Variants in PLG observed in about 807,000 individuals in gnomAD.
The protein encoded by PLG is plasmin.
In PLG, 41 loss-of-function variants were observed where a neutral mutation model predicts 104.4. The observed-to-expected ratio is 0.39, with a 90% CI of 0.31 to 0.51. PLG has a LOEUF of 0.51. Among genes scored for constraint, PLG ranks in the 20% least tolerant of loss-of-function variants. The pLI is 0.76. For synonymous variants in PLG, 337 were observed against 357.1 expected, an observed-to-expected ratio of 0.94 and a Z score of 0.63; for missense variants, 891 against 1,003.6, an observed-to-expected ratio of 0.89 and a Z score of 1.52.
chr6:160,731,910 T>G lies in PLG; in HGVS notation c.1587+17T>G. ...GAAAAAAATGTAAGCCACTTTGATT[T>G]GGACTCTTTGGCCTTTTGCTCACCA... On this transcript the variant is annotated intron_variant, in intron 12 of 18. Transcript: ENST00000308192. The surrounding 1 kb of genome is among the most constrained non-coding windows in gnomAD (Gnocchi z 5.1). 1 of 1,613,588 alleles carries G rather than the reference T, an allele frequency of 6.2e-7. No individual in the cohort carries two copies. Among genetic ancestry groups the G allele is most frequent in the East Asian group, 2.2e-5 (1 of 44,878 alleles).
chr6:160,708,297 A>C (rs563288810), intron 3 of PLG: 1 of 153,880 alleles, frequency 6.5e-6, no homozygotes, highest in East Asian at 1.9e-4. Context: ...TTTGGGGGAC[A>C]TGGTCTATAT....
In PLG at chr6:160,706,517, G is replaced by C. The variant is rs781448572; in HGVS notation, c.160G>C (p.Glu54Gln). The C allele has an allele frequency of 6.2e-7, 1 of 1,613,898 alleles. No homozygotes were observed. Among genetic ancestry groups the C allele is most frequent in the African/African-American group, 1.3e-5 (1 of 75,038 alleles). The change falls in exon 2 of 19, where the codon GAG becomes CAG. Residue 54 changes from glutamate (E) to glutamine (Q), a missense_variant. This residue lies in a region of PLG where 854 missense variants were observed against 932.1 expected (regional missense o/e 0.92). Transcript: ENST00000308192. The stretch of plus-strand genomic sequence containing the variant: ...TATAGAAGAATGTGCAGCAAAATGT[G>C]AGGAGGACGAAGAATTCACCTGCAG... ...GSIEECAAKC[E>Q]EDEEFTCRAF...
intron 17 of PLG, among the ~76,000 whole-genome samples, chr6:160,745,392 A>T (rs146703576): frequency 6.6e-6 from 1 of 152,060 alleles, no homozygotes; most frequent in Non-Finnish European, 1.5e-5. Context: ...ACCCTTTACC[A>T]TTATGTAATG....
Position 160,715,746 on chromosome 6 carries a change from C to T in PLG, c.668+832C>T, listed in dbSNP as rs187757241. Among the ~76,000 whole-genome samples, 11 of 152,298 alleles carry T rather than the reference C, an allele frequency of 7.2e-5. No individual in the cohort carries two copies. The East Asian group carries it at 9.6e-4, about 13-fold the overall frequency. ...TACACCTCCCATTCCAAATAGCTAG[C>T]TTAAAACACAGCAGCTGCCATTTTC... On this transcript the variant is annotated intron_variant, in intron 6 of 18. Coordinates refer to ENST00000308192, the MANE Select transcript of PLG (RefSeq NM_000301.5).
rs369616302 is a variant in PLG at position 160,706,556 on chromosome 6, C to A, written c.185+14C>A. On this transcript the variant is annotated intron_variant, in intron 2 of 18. Coordinates refer to ENST00000308192, the MANE Select transcript of PLG (RefSeq NM_000301.5). ...ATTCACCTGCAGGTATTTCCATTGT[C>A]GTTGCACCTACGCAGGAATCTGTAA... 59 of 1,611,682 alleles carry A rather than the reference C, an allele frequency of 3.7e-5. No individual in the cohort carries two copies. In the African/African-American group the frequency reaches 6.9e-4, roughly 19 times the overall value.
At position 160,747,712 on chromosome 6, in the gene PLG, A is replaced by G. The variant is rs556948590; in HGVS notation, c.2126-4403A>G. On this transcript the variant is annotated intron_variant, in intron 17 of 18. Coordinates refer to ENST00000308192, the MANE Select transcript of PLG (RefSeq NM_000301.5). The stretch of plus-strand genomic sequence containing the variant: ...GCTTTCCTTTTCCTGTGCTTTTCCT[A>G]CTATTTAAAAACTTTACCTCCTTGA... Among the ~76,000 whole-genome samples the G allele has an allele frequency of 5.9e-5, 9 of 152,258 alleles. No homozygotes were observed. In the South Asian group the frequency reaches 1.9e-3, roughly 32 times the overall value.
At chr6:160,747,041 A>G (rs529464673) in intron 17 of PLG, among the ~76,000 whole-genome samples, 3 of 152,350 alleles carry the variant, frequency 2.0e-5, no homozygotes, top group Non-Finnish European at 4.4e-5. Context: ...AGAGTGTTAG[A>G]TTATTTTTCA....
At chr6:160,710,744 TG>T (rs1390615627) in intron 3 of PLG, among the ~76,000 whole-genome samples, 4 of 152,196 alleles carry the variant, frequency 2.6e-5, no homozygotes, top group Non-Finnish European at 5.9e-5. Context: ...CATTTTATAT[TG>T]TTTCCTTGAA....
At position 160,736,249 on chromosome 6, in the gene PLG, A is replaced by C. The variant is rs536435816; in HGVS notation, c.1682-638A>C. Among the ~76,000 whole-genome samples, 1 of 152,294 alleles carries C rather than the reference A, an allele frequency of 6.6e-6. No homozygotes were observed. The highest frequency in any genetic ancestry group is 2.1e-4 in the South Asian group (1 of 4,828). On this transcript the variant is annotated intron_variant, in intron 13 of 18. Coordinates refer to ENST00000308192, the MANE Select transcript of PLG (RefSeq NM_000301.5). This position sits in a 1 kb window ranked among gnomAD's most constrained non-coding sequence, Gnocchi z 5.2. ...AGAAGGCAGGGAGGAGGAAAAGAAG[A>C]ATAAAGTCATATGTTTAAGTCACCC...
At position 160,722,489 on chromosome 6, in the gene PLG, C is replaced by A. The variant is rs1777850493; in HGVS notation, c.1178C>A (p.Thr393Asn). ...TACCGAGGCACATCCTCCACCACCA[C>A]CACAGGAAAGAAGTGTCAGTCTTGG... ...QSYRGTSSTT[T>N]TGKKCQSWSS... Residue 393 changes from threonine (T) to asparagine (N), a missense_variant, in exon 10 of 19, where the codon ACC becomes AAC. By Grantham distance (65) the Thr-to-Asn change is moderately conservative. Transcript: ENST00000308192. 6.2e-7 allele frequency: 1 copy of A among 1,613,558 alleles called. No individual in the cohort carries two copies. The highest frequency in any genetic ancestry group is 8.5e-7 in the Non-Finnish European group (1 of 1,179,500).
chr6:160,741,427 A>G lies in PLG; in HGVS notation c.2125+10A>G. ...TGGGGAGAAACCCAAGGTGAGATAA[A>G]TTCCATTGCCCACATAACGAATTGG... On this transcript the variant is annotated intron_variant, in intron 17 of 18. Coordinates refer to ENST00000308192, the MANE Select transcript of PLG (RefSeq NM_000301.5). This position sits in a 1 kb window ranked among gnomAD's most constrained non-coding sequence, Gnocchi z 4.7. The G allele has an allele frequency of 6.6e-7, 1 of 1,518,932 alleles. No individual in the cohort carries two copies. The highest frequency in any genetic ancestry group is 1.4e-5 in the African/African-American group (1 of 73,306). 94.1% of individuals were successfully genotyped at this position (1,518,932 alleles called of 1,614,324 possible).
Position 160,719,781 on chromosome 6 carries a change from C to T in PLG, c.1096+943C>T, listed in dbSNP as rs1239437440. On this transcript the variant is annotated intron_variant, in intron 9 of 18. Transcript: ENST00000308192. The surrounding 1 kb of genome is among the most constrained non-coding windows in gnomAD (Gnocchi z 4.1). ...TCCTTACATCATTGCAGTTCTACTT[C>T]CTCCCTCCCAAAATGCTATACTATT... is the stretch of plus-strand genomic sequence containing the variant. Among the ~76,000 whole-genome samples, 4 of 152,136 alleles carry T rather than the reference C, an allele frequency of 2.6e-5. No homozygotes were observed. Among genetic ancestry groups the T allele is most frequent in the African/African-American group, 9.7e-5 (4 of 41,446 alleles).
intron 17 of PLG, among the ~76,000 whole-genome samples, chr6:160,749,901 C>CCACCATCA: frequency 2.0e-5 from 1 of 50,364 alleles, no homozygotes; most frequent in South Asian, 9.3e-4. Context: ...CATTCCACCA[C>CCACCATCA]TGCCACCACC....
Position 160,713,125 on chromosome 6 carries a change from G to C in PLG, c.547G>C (p.Glu183Gln). The C allele has an allele frequency of 1.2e-6, 2 of 1,608,564 alleles. No homozygotes were observed. Among genetic ancestry groups the C allele is most frequent in the South Asian group, 1.1e-5 (1 of 90,910 alleles). ...CTACTGCGACATTCTTGAGTGTGAAGGTCAGGAGTGGTTCTAGAAAATGTT... is the reference window on the plus strand; with the variant it reads ...CTACTGCGACATTCTTGAGTGTGAACGTCAGGAGTGGTTCTAGAAAATGTT... ...YDYCDILECE[E>Q]ECMHCSGENY... The change falls in exon 5 of 19, where the codon GAG becomes CAG. Residue 183 changes from glutamate to glutamine, a missense_variant and splice_region_variant. This residue lies in a region of PLG where 854 missense variants were observed against 932.1 expected (regional missense o/e 0.92). Transcript: ENST00000308192.
Position 160,716,677 on chromosome 6 carries a change from G to A in PLG, c.701G>A (p.Cys234Tyr). 1 of 1,612,884 alleles carries A rather than the reference G, an allele frequency of 6.2e-7. No homozygotes were observed. Among genetic ancestry groups the A allele is most frequent in the Non-Finnish European group, 8.5e-7 (1 of 1,178,850 alleles). Reference sequence around the variant, plus strand: ...AACAAGAACCTGAAGAAGAATTACTGTCGTAACCCCGATAGGGAGCTGCGG... The same window carrying A: ...AACAAGAACCTGAAGAAGAATTACTATCGTAACCCCGATAGGGAGCTGCGG... ...FPNKNLKKNYCRNPDRELRPW... is the reference protein window; with the variant it reads ...FPNKNLKKNYYRNPDRELRPW... Residue 234 changes from cysteine to tyrosine, a missense_variant, in exon 7 of 19, where the codon TGT becomes TAT. Physicochemically the swap from Cys to Tyr is radical, Grantham distance 194. Transcript: ENST00000308192.
chr6:160,740,388 C>T lies in PLG; in HGVS notation c.2019-923C>T, dbSNP rs1472200271. Among the ~76,000 whole-genome samples, 1 of 152,170 alleles carries T rather than the reference C, an allele frequency of 6.6e-6. No homozygotes were observed. Among genetic ancestry groups the T allele is most frequent in the Non-Finnish European group, 1.5e-5 (1 of 68,036 alleles). Reference sequence around the variant, plus strand: ...AGCTGGGGTGTTCTGATGGCTTGAACAAGTAATTTGGAAATTTTGGGTTTT... The same window carrying T: ...AGCTGGGGTGTTCTGATGGCTTGAATAAGTAATTTGGAAATTTTGGGTTTT... On this transcript the variant is annotated intron_variant, in intron 16 of 18. Coordinates refer to ENST00000308192, the MANE Select transcript of PLG (RefSeq NM_000301.5). This position sits in a 1 kb window ranked among gnomAD's most constrained non-coding sequence, Gnocchi z 5.2.
chr6:160,750,019 A>G (rs1778377005), intron 17 of PLG, among the ~76,000 whole-genome samples: 1 of 152,208 alleles, frequency 6.6e-6, no homozygotes, highest in African/African-American at 2.4e-5. Context: ...GCCAACCACC[A>G]GGATGAGTCA....
At chr6:160,706,948 T>C (rs1420214034) in intron 2 of PLG, among the ~76,000 whole-genome samples, 3 of 125,630 alleles carry the variant, frequency 2.4e-5, no homozygotes, top group Non-Finnish European at 4.9e-5. Flanking sequence ...CTGGATATAA[T>C]GTTAAAAAAA....
chr6:160,712,776 C>T (rs1777666928), intron 4 of PLG, among the ~76,000 whole-genome samples: 2 of 152,140 alleles, frequency 1.3e-5, no homozygotes, highest in South Asian at 2.1e-4. Flanking sequence ...ACTTGGCTGT[C>T]ACAGTAGCAA....
Sources: allele counts gnomAD v4.1 joint callset (sites outside exome capture counted in the v4.1 genomes callset), GRCh38; gene constraint gnomAD v4.1.1; regional missense constraint gnomAD v4.1.1; non-coding constraint Gnocchi (gnomAD v3.1); transcripts MANE v1.5; gene names NCBI Gene and HGNC (gene_info 2026-07-23, HGNC 2026-07-21).